Variants in PRUNE1 observed in about 807,000 individuals in gnomAD.
PRUNE1 encodes the protein exopolyphosphatase PRUNE1.
In PRUNE1, 25 loss-of-function variants were observed where a neutral mutation model predicts 42.5. That is an observed-to-expected ratio of 0.59 (90% CI 0.43 to 0.82). PRUNE1 has a LOEUF of 0.82. Among genes scored for constraint, PRUNE1 ranks in the 40% least tolerant of loss-of-function variants. The pLI is 0.00. For missense variants in PRUNE1, 443 were observed against 539.3 expected (o/e 0.82, Z 1.77); for synonymous variants, 203 against 217.1 (o/e 0.93, Z 0.57).
At chr1:151,032,546 T>G (rs1180936240) in intron 7 of PRUNE1, among the ~76,000 whole-genome samples, 1 of 151,852 alleles carries the variant, frequency 6.6e-6, no homozygotes, top group African/African-American at 2.4e-5. Flanking sequence ...TAACCCCGTC[T>G]CCACTAAAAA....
At chr1:151,020,817 TA>T (rs1215288934) in intron 3 of PRUNE1, among the ~76,000 whole-genome samples, 11 of 151,202 alleles carry the variant, frequency 7.3e-5, no homozygotes, top group South Asian at 4.2e-4. Context: ...CCGTCTCTAC[TA>T]AAAAATACAA....
intron 1 of PRUNE1, among the ~76,000 whole-genome samples, chr1:151,014,225 C>T (rs1217501449): frequency 1.3e-5 from 2 of 152,126 alleles, no homozygotes; most frequent in Non-Finnish European, 2.9e-5. Context: ...GTAATCTGTC[C>T]GCCTCGGCCT....
chr1:151,028,720 G>T, intron 6 of PRUNE1, 66 bp from the exon 7 acceptor site: 1 of 1,548,358 alleles, frequency 6.5e-7, no homozygotes, highest in South Asian at 1.2e-5. Flanking sequence ...ACCGTGCCCG[G>T]CCCAAGGATG....
At chr1:151,020,855 G>A (rs587609370) in intron 3 of PRUNE1, among the ~76,000 whole-genome samples, 4 of 151,958 alleles carry the variant, frequency 2.6e-5, no homozygotes, top group South Asian at 4.1e-4. Context: ...GGTGGCGGAC[G>A]CCGATAGTCC....
At chr1:151,015,671 G>A (rs976866905) in intron 1 of PRUNE1, among the ~76,000 whole-genome samples, 2 of 151,456 alleles carry the variant, frequency 1.3e-5, no homozygotes, top group Non-Finnish European at 2.9e-5. Flanking sequence ...GGGCATGGTG[G>A]CGGGTGCCTG....
At position 151,014,261 on chromosome 1, in the gene PRUNE1, A is replaced by G. The variant is rs12092591; in HGVS notation, c.40-3551A>G. Among the ~76,000 whole-genome samples, 547 of 152,202 alleles carry G rather than the reference A, an allele frequency of 3.6e-3. 3 individuals are homozygous for G. The highest frequency in any genetic ancestry group is 8.1e-3 in the South Asian group (39 of 4,832). On this transcript the variant is annotated intron_variant, in intron 1 of 7. Transcript: ENST00000271620. ...CCCAAAGTGCTGGGATTACAGGCGT[A>G]AGCCACCGCGCCCGGCCTGCTTCCA...
At chr1:151,032,166 A>C (rs1286639673) in intron 7 of PRUNE1, among the ~76,000 whole-genome samples, 1 of 151,942 alleles carries the variant, frequency 6.6e-6, no homozygotes, top group Non-Finnish European at 1.5e-5. Context: ...AATTGCTTGA[A>C]TCTGGGAGGC....
rs761877772 is a variant in PRUNE1 at position 151,033,944 on chromosome 1, G to T, written c.1072G>T (p.Ala358Ser). ...GAAACTTCTGCCCCTGCTCCAGGAAGCCCTGTCAGCATATTTTGACTCCAT... is the reference window on the plus strand; with the variant it reads ...GAAACTTCTGCCCCTGCTCCAGGAATCCCTGTCAGCATATTTTGACTCCAT... ...RKKLLPLLQE[A>S]LSAYFDSMKI... The change falls in exon 8 of 8, where the codon GCC (alanine) becomes TCC (serine). Residue 358 changes from alanine (A) to serine (S), a missense_variant. Coordinates refer to ENST00000271620, the MANE Select transcript of PRUNE1 (RefSeq NM_021222.3). 1 of 1,614,136 alleles carries T rather than the reference G, an allele frequency of 6.2e-7. No individual in the cohort carries two copies. The highest frequency in any genetic ancestry group is 1.3e-5 in the African/African-American group (1 of 75,030).
At chr1:151,013,639 C>G (rs1673916810) in intron 1 of PRUNE1, among the ~76,000 whole-genome samples, 1 of 152,172 alleles carries the variant, frequency 6.6e-6, no homozygotes, top group Non-Finnish European at 1.5e-5. Flanking sequence ...GCTTGCTCTG[C>G]CTTTTCTCCA....
intron 1 of PRUNE1, among the ~76,000 whole-genome samples, chr1:151,012,328 C>T (rs1673820268): frequency 6.6e-6 from 1 of 152,090 alleles, no homozygotes; most frequent in Non-Finnish European, 1.5e-5. Flanking sequence ...AGAATGATGT[C>T]TTATAAGTTG....
rs1247967338 is a variant in PRUNE1 at position 151,008,526 on chromosome 1, G to C, written c.-107G>C. On this transcript the variant is annotated 5_prime_UTR_variant, in exon 1 of 8. Transcript: ENST00000271620. ...GTTCGAGTCCCGCCTCCTGACTCTG[G>C]CCTCTAGTCCCTGAGTCCCGGGCGG... The C allele has an allele frequency of 7.0e-7, 1 of 1,427,682 alleles. No homozygotes were observed. 88.4% of individuals were successfully genotyped at this position (1,427,682 alleles called of 1,614,324 possible). A position where few individuals can be genotyped will look rare whatever the true frequency, so the allele number is the denominator to read the frequency against.
At chr1:151,014,945 A>G (rs1674006825) in intron 1 of PRUNE1, among the ~76,000 whole-genome samples, 1 of 152,096 alleles carries the variant, frequency 6.6e-6, no homozygotes, top group Non-Finnish European at 1.5e-5. Flanking sequence ...TAATCCAAGC[A>G]TTTTGGGAGG....
chr1:151,033,871 C>G lies in PRUNE1; in HGVS notation c.999C>G (p.His333Gln), dbSNP rs375787524. The G allele has an allele frequency of 1.2e-6, 2 of 1,613,902 alleles. No homozygotes were observed. The highest frequency in any genetic ancestry group is 2.7e-5 in the African/African-American group (2 of 74,896). ...PLKLTPASST[H>Q]PNLHAYLQGN... The stretch of plus-strand genomic sequence containing the variant: ...AGCTGACCCCTGCCTCAAGTACCCA[C>G]CCTAACCTCCATGCCTATCTTCAAG... The change falls in exon 8 of 8, where the codon CAC becomes CAG. Residue 333 changes from histidine to glutamine, a missense_variant. By Grantham distance (24) the His-to-Gln change is conservative (BLOSUM62 0). Coordinates refer to ENST00000271620, the MANE Select transcript of PRUNE1 (RefSeq NM_021222.3).
rs1452846903 is a variant in PRUNE1, at chr1:151,035,016, A to G, written c.*782A>G. 1 of 152,230 alleles carries G rather than the reference A, an allele frequency of 6.6e-6. No individual in the cohort carries two copies. The highest frequency in any genetic ancestry group is 1.9e-4 in the East Asian group (1 of 5,200). The allele number at this position is 152,230 out of a possible 1,614,324, so 9.4% of individuals were successfully genotyped here. A position where few individuals can be genotyped will look rare whatever the true frequency, so the allele number is the denominator to read the frequency against. ...CTTCCAAAAAGACAACAGAACTGGA[A>G]TGAGAGGCCTGGGTCTGTCTCCTGC... On this transcript the variant is annotated 3_prime_UTR_variant, in exon 8 of 8. Coordinates refer to ENST00000271620, the MANE Select transcript of PRUNE1 (RefSeq NM_021222.3).
rs1300245991 is a variant in PRUNE1, at chr1:151,027,271, ACTAT to A, written c.723_726del (p.Tyr242AspfsTer43). The A allele has an allele frequency of 1.9e-6, 3 of 1,611,902 alleles. No homozygotes were observed. The highest frequency in any genetic ancestry group is 1.7e-5 in the Admixed American group (1 of 59,986). Reference sequence around the variant, plus strand: ...GCAGATGCTGAGAAAAGACCAGAAGACTATCTATAGACAAGGCGTCAAGGTGGCC... The same window carrying A: ...GCAGATGCTGAGAAAAGACCAGAAGACTATAGACAAGGCGTCAAGGTGGCC... On this transcript the variant is annotated frameshift_variant, in exon 6 of 8. Coordinates refer to ENST00000271620, the MANE Select transcript of PRUNE1 (RefSeq NM_021222.3). LOFTEE classifies it high-confidence loss of function.
At chr1:151,010,805 G>A (rs1006734784) in intron 1 of PRUNE1, among the ~76,000 whole-genome samples, 1 of 151,490 alleles carries the variant, frequency 6.6e-6, no homozygotes, top group East Asian at 1.9e-4. Flanking sequence ...ACAAGTGTGC[G>A]CCACTATGCC....
chr1:151,033,897 G>T lies in PRUNE1; in HGVS notation c.1025G>T (p.Gly342Val), dbSNP rs1675401754. The part of the protein sequence containing the change: ...THPNLHAYLQ[G>V]NTQVSRKKLL... Reference sequence around the variant, plus strand: ...CCTAACCTCCATGCCTATCTTCAAGGCAACACCCAGGTCTCTCGAAAGAAA... The same window carrying T: ...CCTAACCTCCATGCCTATCTTCAAGTCAACACCCAGGTCTCTCGAAAGAAA... The change falls in exon 8 of 8, where the codon GGC becomes GTC. Residue 342 changes from glycine (G) to valine (V), a missense_variant. By Grantham distance (109) the Gly-to-Val change is moderately radical (BLOSUM62 -3). Coordinates refer to ENST00000271620, the MANE Select transcript of PRUNE1 (RefSeq NM_021222.3). 1 of 1,613,716 alleles carries T rather than the reference G, an allele frequency of 6.2e-7. No individual in the cohort carries two copies. The highest frequency in any genetic ancestry group is 1.7e-5 in the Admixed American group (1 of 59,976).
intron 1 of PRUNE1, among the ~76,000 whole-genome samples, chr1:151,017,596 C>T (rs1674183721): frequency 6.6e-6 from 1 of 151,988 alleles, no homozygotes; most frequent in African/African-American, 2.4e-5. Flanking sequence ...ATTAGCTGGG[C>T]ATGGTGGCGC....
chr1:151,018,553 T>C lies in PRUNE1; in HGVS notation c.219T>C (p.Leu73=). The stretch of plus-strand genomic sequence containing the variant: ...TGCGAGGTGACATTGTCTTCTTTCT[T>C]CAGAAGGTTCATATTCCAGAGAGTA... ...LPLRGDIVFF[L]QKVHIPESIL... The change falls in exon 3 of 8, where the codon CTT becomes CTC. Residue 73 remains leucine, a synonymous_variant. Coordinates refer to ENST00000271620, the MANE Select transcript of PRUNE1 (RefSeq NM_021222.3). 6.2e-7 allele frequency: 1 copy of C among 1,613,924 alleles called. No homozygotes were observed. The highest frequency in any genetic ancestry group is 1.3e-5 in the African/African-American group (1 of 75,048).
Sources: allele counts gnomAD v4.1 joint callset (sites outside exome capture counted in the v4.1 genomes callset), GRCh38; gene constraint gnomAD v4.1.1; transcripts MANE v1.5; gene names NCBI Gene and HGNC (gene_info 2026-07-23, HGNC 2026-07-21).